The following TTC27 variants were observed in gnomAD, a reference collection of about 807,000 sequenced individuals.
The protein encoded by TTC27 is tetratricopeptide repeat domain 27.
A neutral mutation model predicts 115.9 loss-of-function variants in TTC27; 79 were observed. The observed-to-expected ratio is 0.68, with a 90% CI of 0.57 to 0.82. The LOEUF (loss-of-function observed/expected upper bound fraction) is 0.82. TTC27 is among the 40% of genes least tolerant of loss of function. The pLI, the probability that TTC27 is intolerant of heterozygous loss-of-function variation, is 0.00. For synonymous variants in TTC27, 401 were observed against 356.0 expected (o/e 1.13, Z -1.42); for missense variants, 1,054 against 993.1 (o/e 1.06, Z -0.82).
chr2:32,699,749 C>T (rs1372529221), intron 9 of TTC27, among the ~76,000 whole-genome samples: 1 of 152,178 alleles, frequency 6.6e-6, no homozygotes, highest in Non-Finnish European at 1.5e-5. Flanking sequence ...GACATCATCA[C>T]ATTCTTCAGT....
At chr2:32,641,766 C>T (rs910117851) in intron 4 of TTC27, among the ~76,000 whole-genome samples, 3 of 152,200 alleles carry the variant, frequency 2.0e-5, no homozygotes, top group Non-Finnish European at 4.4e-5. Context: ...ACAACCTCCA[C>T]CTCCTGGGTT....
intron 16 of TTC27, among the ~76,000 whole-genome samples, chr2:32,808,180 C>T (rs573285486): frequency 2.4e-4 from 37 of 152,212 alleles, no homozygotes; most frequent in African/African-American, 8.7e-4. Context: ...TGTGATCCGC[C>T]TACCTCTGCC....
intron 1 of TTC27, 24 bp from the exon 2 acceptor site, chr2:32,630,499 C>T: frequency 6.4e-7 from 1 of 1,557,576 alleles, no homozygotes; most frequent in Non-Finnish European, 8.7e-7. Context: ...TTTTGGATTA[C>T]CGCACTAATT....
intron 17 of TTC27, 151 bp from the exon 18 acceptor site, chr2:32,812,353 C>T: frequency 1.9e-6 from 1 of 525,654 alleles, no homozygotes; most frequent in Non-Finnish European, 3.4e-6. Context: ...GCATTTCCAC[C>T]CCTTCTTTGG....
intron 12 of TTC27, among the ~76,000 whole-genome samples, chr2:32,751,258 CCACACACACACACACA>C (rs56183534): frequency 9.2e-5 from 13 of 140,756 alleles, no homozygotes; most frequent in South Asian, 2.4e-4. Context: ...GTAGGTTAAA[CCACACACACACACACA>C]CACACACACA....
intron 8 of TTC27, among the ~76,000 whole-genome samples, chr2:32,675,990 C>G (rs1164581916): frequency 6.6e-6 from 1 of 151,968 alleles, no homozygotes; most frequent in Non-Finnish European, 1.5e-5. Flanking sequence ...CAGGGTTTCA[C>G]CATGTTGGCC....
At chr2:32,716,219 T>G (rs1363807262) in intron 10 of TTC27, among the ~76,000 whole-genome samples, 2 of 152,232 alleles carry the variant, frequency 1.3e-5, no homozygotes, top group Non-Finnish European at 2.9e-5. Flanking sequence ...ATGCCAGTAC[T>G]TGTGAATCTA....
At chr2:32,687,248 A>T (rs1177662238) in intron 9 of TTC27, among the ~76,000 whole-genome samples, 4 of 152,140 alleles carry the variant, frequency 2.6e-5, no homozygotes, top group Non-Finnish European at 5.9e-5. Context: ...TACTCTATTA[A>T]TTTTCCACTA....
At chr2:32,754,839 T>C (rs956114545) in intron 12 of TTC27, among the ~76,000 whole-genome samples, 1 of 121,846 alleles carries the variant, frequency 8.2e-6, no homozygotes, top group African/African-American at 3.2e-5. Flanking sequence ...CCCCCCCACC[T>C]CCCTCCCGGA....
At chr2:32,703,464 T>C (rs945824030) in intron 10 of TTC27, among the ~76,000 whole-genome samples, 3 of 152,096 alleles carry the variant, frequency 2.0e-5, no homozygotes, top group Non-Finnish European at 4.4e-5. Flanking sequence ...CAAGACTCCA[T>C]CTCAAATAAT....
chr2:32,743,559 G>A (rs1441561529), intron 12 of TTC27, among the ~76,000 whole-genome samples: 1 of 152,124 alleles, frequency 6.6e-6, no homozygotes, highest in Non-Finnish European at 1.5e-5. Flanking sequence ...CAATATATTA[G>A]TTCCTTTTCT....
chr2:32,649,500 G>A (rs777826035), intron 4 of TTC27, among the ~76,000 whole-genome samples: 9 of 151,896 alleles, frequency 5.9e-5, no homozygotes, highest in Admixed American at 2.0e-4. Context: ...GTTGGTACTC[G>A]GATTAAAGTG....
intron 12 of TTC27, among the ~76,000 whole-genome samples, chr2:32,756,578 A>G (rs575729456): frequency 6.6e-6 from 1 of 152,378 alleles, no homozygotes; most frequent in East Asian, 1.9e-4. Context: ...AGACACTTTT[A>G]GAAGTATAGT....
At chr2:32,674,293 G>A (rs898809638) in intron 8 of TTC27, among the ~76,000 whole-genome samples, 1 of 151,768 alleles carries the variant, frequency 6.6e-6, no homozygotes, top group African/African-American at 2.4e-5. Context: ...TAGGATTACA[G>A]GCATGTGCCA....
At chr2:32,699,527 T>A (rs991143668) in intron 9 of TTC27, among the ~76,000 whole-genome samples, 4 of 152,238 alleles carry the variant, frequency 2.6e-5, no homozygotes, top group Admixed American at 6.5e-5. Flanking sequence ...GAAATTTTTT[T>A]AAAATGCCAT....
intron 10 of TTC27, among the ~76,000 whole-genome samples, chr2:32,709,198 A>G (rs1667489331): frequency 6.6e-6 from 1 of 152,228 alleles, no homozygotes; most frequent in Non-Finnish European, 1.5e-5. Flanking sequence ...ATGTAAATAT[A>G]TGCCCCTCCA....
At chr2:32,803,494 G>A (rs1671028359) in intron 16 of TTC27, among the ~76,000 whole-genome samples, 1 of 152,162 alleles carries the variant, frequency 6.6e-6, no homozygotes, top group Non-Finnish European at 1.5e-5. Flanking sequence ...TTCCACCTGA[G>A]CTGTGTTCTC....
intron 12 of TTC27, among the ~76,000 whole-genome samples, chr2:32,741,660 A>ACAAAC: frequency 1.7e-5 from 1 of 59,148 alleles, no homozygotes; most frequent in Non-Finnish European, 3.7e-5. Context: ...AAAAAAAACA[A>ACAAAC]AAAACAAAAC....
At chr2:32,746,641 G>T (rs896129851) in intron 12 of TTC27, among the ~76,000 whole-genome samples, 1 of 147,680 alleles carries the variant, frequency 6.8e-6, no homozygotes, top group East Asian at 2.0e-4. Flanking sequence ...AAATTCTAAA[G>T]CTTTTGCATT....
Sources: allele counts gnomAD v4.1 joint callset (sites outside exome capture counted in the v4.1 genomes callset), GRCh38; gene constraint gnomAD v4.1.1; transcripts MANE v1.5; gene names NCBI Gene and HGNC (gene_info 2026-07-23, HGNC 2026-07-21).